PRKN: variants seen among roughly 807,000 people sequenced by gnomAD.
PRKN encodes E3 ubiquitin-protein ligase parkin.
A neutral mutation model predicts 59.5 loss-of-function variants in PRKN; 56 were observed. That is an observed-to-expected ratio of 0.94 (90% CI 0.76 to 1.18). The LOEUF (loss-of-function observed/expected upper bound fraction) is 1.18. Ranked by LOEUF, PRKN falls within the 50% of genes most tolerant of loss-of-function variation. The probability of loss-of-function intolerance (pLI) is 0.00; values close to 1 mark genes in which losing one functional copy is unlikely to be tolerated. For synonymous variants in PRKN, 250 were observed against 222.1 expected (o/e 1.13, Z -1.12); for missense variants, 657 against 596.4 (o/e 1.10, Z -1.06).
chr6:161,874,051 A>AAAATATATATAAAATATATATTATATGT, intron 6 of PRKN, among the ~76,000 whole-genome samples: 1 of 67,274 alleles, frequency 1.5e-5, no homozygotes, highest in African/African-American at 4.9e-5. Flanking sequence ...TATTATATGT[A>AAAATATATATAAAATATATATTATATGT]AAATATAATA....
intron 1 of PRKN, among the ~76,000 whole-genome samples, chr6:162,545,615 T>C (rs548616876): frequency 6.2e-4 from 95 of 152,310 alleles, no homozygotes; most frequent in African/African-American, 2.2e-3. Flanking sequence ...CAAGTTATAA[T>C]TATGTTAATG....
In PRKN at chr6:161,727,191, T is replaced by A. The variant is rs144423876; in HGVS notation, c.871+58581A>T. ...TCTTCACAATGGGAGTCCTATTTTC[T>A]TGTCCTGGACAAAGGCAGTGGGGAG... On this transcript the variant is annotated intron_variant, in intron 7 of 11. Transcript: ENST00000366898. 1.4e-3 allele frequency among the ~76,000 whole-genome samples: 210 copies of A among 152,278 alleles called. 1 individual carries two copies. The highest frequency in any genetic ancestry group is 2.4e-3 in the Non-Finnish European group (160 of 68,010).
At position 161,575,994 on chromosome 6, in the gene PRKN, G is replaced by A. The variant is rs957059274; in HGVS notation, c.872-6578C>T. Among the ~76,000 whole-genome samples the A allele has an allele frequency of 2.0e-5, 3 of 152,138 alleles. No homozygotes were observed. The highest frequency in any genetic ancestry group is 4.8e-5 in the African/African-American group (2 of 41,412). On this transcript the variant is annotated intron_variant, in intron 7 of 11. Transcript: ENST00000366898. This position sits in a 1 kb window ranked among gnomAD's most constrained non-coding sequence, Gnocchi z 4.6. The stretch of plus-strand genomic sequence containing the variant: ...GAGCATGGGCCACATGTGCAGGCTG[G>A]GCTGCAGCAGTGAAGGAATCCAGTG...
At chr6:161,439,761 CAG>C (rs1280264687) in intron 9 of PRKN, among the ~76,000 whole-genome samples, 1 of 151,918 alleles carries the variant, frequency 6.6e-6, no homozygotes, top group Non-Finnish European at 1.5e-5. Flanking sequence ...ATTAAGAAAA[CAG>C]ATGATAAGAG....
rs757166995 is a variant in PRKN at position 162,262,588 on chromosome 6, C to G, written c.349G>C (p.Val117Leu). The change falls in exon 3 of 12, where the codon GTG becomes CTG. Residue 117 changes from valine (V) to leucine (L), a missense_variant. Val to Leu is a conservative substitution (Grantham distance 32). Coordinates refer to ENST00000366898, the MANE Select transcript of PRKN (RefSeq NM_004562.3). ...LSSSVLPGDS[V>L]GLAVILHTDS... is the part of the protein sequence containing the mutation. ...GTGTGCAGAATGACAGCCAGCCCCA[C>G]AGAGTCTCCTGGGAGGACTGAGCTG... 6 of 1,613,208 alleles carry G rather than the reference C, an allele frequency of 3.7e-6. No individual in the cohort carries two copies. The highest frequency in any genetic ancestry group is 5.1e-6 in the Non-Finnish European group (6 of 1,179,220).
chr6:161,796,634 T>TA (rs1267534028), intron 6 of PRKN, among the ~76,000 whole-genome samples: 7 of 152,192 alleles, frequency 4.6e-5, no homozygotes, highest in Non-Finnish European at 8.8e-5. Flanking sequence ...TTAATGGAGT[T>TA]ATGTTTTTTC....
intron 4 of PRKN, among the ~76,000 whole-genome samples, chr6:162,108,549 T>C (rs1163334079): frequency 1.3e-5 from 2 of 152,164 alleles, no homozygotes; most frequent in Non-Finnish European, 2.9e-5. Flanking sequence ...TCGCAGAGTA[T>C]TTCAAATAGA....
chr6:161,677,510 G>A lies in PRKN; in HGVS notation c.872-108094C>T, dbSNP rs199658021. ...CCTTGGTTTCCTTGTCTGTGAAGTGGTAGCACGAAGCCAGCACTGCTGTGA... is the reference window on the plus strand; with the variant it reads ...CCTTGGTTTCCTTGTCTGTGAAGTGATAGCACGAAGCCAGCACTGCTGTGA... On this transcript the variant is annotated intron_variant, in intron 7 of 11. Coordinates refer to ENST00000366898, the MANE Select transcript of PRKN (RefSeq NM_004562.3). Among the ~76,000 whole-genome samples, 5 of 152,182 alleles carry A rather than the reference G, an allele frequency of 3.3e-5. No homozygotes were observed. In the East Asian group the frequency reaches 9.6e-4, roughly 29 times the overall value.
chr6:162,552,787 G>A (rs890643777), intron 1 of PRKN, among the ~76,000 whole-genome samples: 16 of 152,020 alleles, frequency 1.1e-4, no homozygotes, highest in African/African-American at 3.1e-4. Flanking sequence ...TAGAGAGGAC[G>A]TGGGGCCAAG....
At chr6:161,649,628 C>T (rs1449590851) in intron 7 of PRKN, among the ~76,000 whole-genome samples, 1 of 152,132 alleles carries the variant, frequency 6.6e-6, no homozygotes, top group African/African-American at 2.4e-5. Context: ...TATTTCTCAC[C>T]TTCTGAAGTA....
intron 2 of PRKN, among the ~76,000 whole-genome samples, chr6:162,360,250 A>G (rs138720042): frequency 0.013 from 1,934 of 152,238 alleles, 23 homozygotes; most frequent in Non-Finnish European, 0.019. Flanking sequence ...TTATTTTTTA[A>G]TATTTGTTAT....
At chr6:162,094,340 C>T (rs1013491341) in intron 4 of PRKN, among the ~76,000 whole-genome samples, 13 of 151,848 alleles carry the variant, frequency 8.6e-5, no homozygotes, top group Admixed American at 7.9e-4. Context: ...AAAAGTGAGC[C>T]GGGTGTGGTG....
intron 7 of PRKN, among the ~76,000 whole-genome samples, chr6:161,645,370 T>C (rs1175296544): frequency 2.0e-5 from 3 of 152,192 alleles, no homozygotes; most frequent in Non-Finnish European, 4.4e-5. Flanking sequence ...CAAAGGTATG[T>C]TCAGGTAAAC....
chr6:162,313,109 G>A (rs1782597426), intron 2 of PRKN, among the ~76,000 whole-genome samples: 1 of 151,922 alleles, frequency 6.6e-6, no homozygotes, highest in Non-Finnish European at 1.5e-5. Context: ...TTTAAATTGT[G>A]GTAAAGTACA....
chr6:161,673,582 T>C (rs1784985175), intron 7 of PRKN, among the ~76,000 whole-genome samples: 1 of 152,136 alleles, frequency 6.6e-6, no homozygotes, highest in Non-Finnish European at 1.5e-5. Context: ...AGTTGGGACG[T>C]TATTTGACTT....
chr6:161,504,527 C>CTTT (rs66831164), intron 9 of PRKN, among the ~76,000 whole-genome samples: 5 of 149,230 alleles, frequency 3.4e-5, no homozygotes, highest in African/African-American at 7.5e-5. Flanking sequence ...GTGAAACTTT[C>CTTT]TTTTTTATTA....
rs1057451049 is a variant in PRKN, at chr6:161,545,154, G to C, written c.1083+3700C>G. On this transcript the variant is annotated intron_variant, in intron 9 of 11. Transcript: ENST00000366898. This position sits in a 1 kb window ranked among gnomAD's most constrained non-coding sequence, Gnocchi z 4.1. ...TTTATACGCGATTTTTTTTGTAACA[G>C]CTAACATTTCTTGCATACCCACATG... 7.7e-7 allele frequency: 1 copy of C among 1,305,188 alleles called. No homozygotes were observed. Among genetic ancestry groups the C allele is most frequent in the African/African-American group, 1.5e-5 (1 of 65,976 alleles). 80.9% of individuals were successfully genotyped at this position (1,305,188 alleles called of 1,614,324 possible).
chr6:162,338,861 G>A (rs1357134354), intron 2 of PRKN, among the ~76,000 whole-genome samples: 3 of 149,842 alleles, frequency 2.0e-5, no homozygotes, highest in Non-Finnish European at 4.4e-5. Context: ...GTCTCTGCCC[G>A]GCCGCCCATC....
chr6:162,114,749 C>G (rs1295962603), intron 4 of PRKN, among the ~76,000 whole-genome samples: 6 of 151,232 alleles, frequency 4.0e-5, no homozygotes, highest in Admixed American at 1.3e-4. Context: ...AAAAAATGCT[C>G]ACCATCACTG....
Sources: allele counts gnomAD v4.1 joint callset (sites outside exome capture counted in the v4.1 genomes callset), GRCh38; gene constraint gnomAD v4.1.1; non-coding constraint Gnocchi (gnomAD v3.1); transcripts MANE v1.5; gene names NCBI Gene and HGNC (gene_info 2026-07-23, HGNC 2026-07-21).